PLXDC2: variants seen among roughly 807,000 people sequenced by gnomAD.
PLXDC2 encodes plexin domain-containing protein 2.
In PLXDC2, 40 loss-of-function variants were observed where a neutral mutation model predicts 68.9. The observed-to-expected ratio is 0.58, with a 90% CI of 0.45 to 0.76. PLXDC2 has a LOEUF of 0.76. Ranked by LOEUF, PLXDC2 falls within the 30% of genes least tolerant of loss-of-function variation. The probability of loss-of-function intolerance (pLI) is 0.00; values close to 1 mark genes in which losing one functional copy is unlikely to be tolerated. For synonymous variants in PLXDC2, 243 were observed against 234.2 expected, an observed-to-expected ratio of 1.04 and a Z score of -0.34; for missense variants, 644 against 661.9, an observed-to-expected ratio of 0.97 and a Z score of 0.30.
intron 12 of PLXDC2, among the ~76,000 whole-genome samples, chr10:20,232,073 G>A (rs1260863850): frequency 2.0e-5 from 3 of 151,812 alleles, no homozygotes; most frequent in Non-Finnish European, 4.4e-5. Context: ...GCAGGTTACA[G>A]ATAAGAGAAT....
chr10:19,966,370 A>AAAAATATATATGTGTACATATAT (rs1834254000), intron 1 of PLXDC2, among the ~76,000 whole-genome samples: 2 of 133,478 alleles, frequency 1.5e-5, no homozygotes, highest in Non-Finnish European at 3.3e-5. Flanking sequence ...CACATATATA[A>AAAAATATATATGTGTACATATAT]AAAATATATA....
At chr10:20,202,995 A>T (rs1309694364) in intron 9 of PLXDC2, among the ~76,000 whole-genome samples, 1 of 152,102 alleles carries the variant, frequency 6.6e-6, no homozygotes, top group African/African-American at 2.4e-5. Context: ...TTTTGCCAAC[A>T]TCATCAGTGG....
chr10:20,043,671 T>C (rs1302007825), intron 2 of PLXDC2, among the ~76,000 whole-genome samples: 1 of 152,128 alleles, frequency 6.6e-6, no homozygotes, highest in Non-Finnish European at 1.5e-5. Context: ...AGATTACATC[T>C]TTAACCTCAA....
intron 9 of PLXDC2, among the ~76,000 whole-genome samples, chr10:20,208,261 C>T (rs1187450673): frequency 6.6e-6 from 1 of 152,116 alleles, no homozygotes; most frequent in Non-Finnish European, 1.5e-5. Context: ...CACAATTTCC[C>T]ATGGCTAGGG....
intron 1 of PLXDC2, among the ~76,000 whole-genome samples, chr10:19,992,359 C>T (rs984056400): frequency 6.6e-6 from 1 of 152,114 alleles, no homozygotes; most frequent in African/African-American, 2.4e-5. Flanking sequence ...TGAAAAATCA[C>T]AAGAATCTTA....
chr10:20,043,143 G>GT (rs1835713703), intron 2 of PLXDC2, among the ~76,000 whole-genome samples: 1 of 152,024 alleles, frequency 6.6e-6, no homozygotes, highest in Non-Finnish European at 1.5e-5. Flanking sequence ...CTATTTTATG[G>GT]TTTTTCTGAA....
intron 1 of PLXDC2, among the ~76,000 whole-genome samples, chr10:19,823,747 G>A (rs1381356689): frequency 6.6e-6 from 1 of 152,182 alleles, no homozygotes; most frequent in African/African-American, 2.4e-5. Flanking sequence ...AACACTTTGG[G>A]AGGCCGAGAC....
chr10:20,071,616 C>T (rs144170500), intron 4 of PLXDC2, among the ~76,000 whole-genome samples: 1 of 152,304 alleles, frequency 6.6e-6, no homozygotes, highest in Non-Finnish European at 1.5e-5. Flanking sequence ...GCCTCCCCAG[C>T]CATGTACAAC....
At chr10:19,979,350 T>C (rs1466169177) in intron 1 of PLXDC2, among the ~76,000 whole-genome samples, 1 of 152,042 alleles carries the variant, frequency 6.6e-6, no homozygotes, top group Non-Finnish European at 1.5e-5. Context: ...ACTTCTTCCT[T>C]TCATCTGTCT....
intron 1 of PLXDC2, among the ~76,000 whole-genome samples, chr10:19,827,795 G>A (rs1233642391): frequency 1.3e-5 from 2 of 152,156 alleles, no homozygotes; most frequent in East Asian, 3.9e-4. Flanking sequence ...CTGACCTCAA[G>A]TGATCCACCC....
intron 1 of PLXDC2, among the ~76,000 whole-genome samples, chr10:19,836,813 TAATA>T (rs1478440991): frequency 6.6e-6 from 1 of 152,210 alleles, no homozygotes; most frequent in Non-Finnish European, 1.5e-5. Flanking sequence ...GGAATTACAA[TAATA>T]AATAGAAGAA....
rs57093355 is a variant in PLXDC2 at position 20,051,395 on chromosome 10, A to AATATAT, written c.471+4423_471+4428dup. On this transcript the variant is annotated intron_variant, in intron 3 of 13. Coordinates refer to ENST00000377252, the MANE Select transcript of PLXDC2 (RefSeq NM_032812.9). ...ACTGCTGACCCTAAAATAAAGGTTA[A>AATATAT]ATATATATATATATATATATATATA... Among the ~76,000 whole-genome samples, 302 of 118,392 alleles carry AATATAT rather than the reference A, an allele frequency of 2.6e-3. 1 individual carries two copies. The highest frequency in any genetic ancestry group is 3.6e-3 in the Non-Finnish European group (200 of 55,888). 77.7% of individuals were successfully genotyped at this position (118,392 alleles called of 152,430 possible).
At chr10:20,135,085 T>C (rs1833917544) in intron 4 of PLXDC2, among the ~76,000 whole-genome samples, 1 of 152,242 alleles carries the variant, frequency 6.6e-6, no homozygotes, top group Admixed American at 6.5e-5. Context: ...CTCTTAGTTC[T>C]TGTGAAGGTA....
intron 9 of PLXDC2, among the ~76,000 whole-genome samples, chr10:20,182,813 A>C (rs1036238384): frequency 2.6e-5 from 4 of 151,756 alleles, no homozygotes; most frequent in Non-Finnish European, 5.9e-5. Flanking sequence ...CCCTGCATGC[A>C]TTACATATTT....
At chr10:19,877,287 C>T (rs1837649700) in intron 1 of PLXDC2, among the ~76,000 whole-genome samples, 1 of 152,040 alleles carries the variant, frequency 6.6e-6, no homozygotes, top group South Asian at 2.1e-4. Context: ...ATAACTGTAG[C>T]AAACTGGGAC....
chr10:20,272,628 A>C (rs1835954267), intron 13 of PLXDC2, among the ~76,000 whole-genome samples: 1 of 152,162 alleles, frequency 6.6e-6, no homozygotes, highest in Non-Finnish European at 1.5e-5. Flanking sequence ...GTACAGGTAA[A>C]AAGGGGTTGC....
At chr10:20,168,675 A>G (rs79835351) in intron 7 of PLXDC2, among the ~76,000 whole-genome samples, 4,892 of 152,294 alleles carry the variant, frequency 0.032, 84 homozygotes, top group South Asian at 0.069. Context: ...CAACATCCAC[A>G]GGTACAGCTA....
chr10:20,190,964 G>A (rs1234947637), intron 9 of PLXDC2, among the ~76,000 whole-genome samples: 1 of 151,862 alleles, frequency 6.6e-6, no homozygotes, highest in Non-Finnish European at 1.5e-5. Flanking sequence ...GAAGCCCAAA[G>A]CATTTATTTT....
chr10:20,010,981 T>C (rs1385933492), intron 2 of PLXDC2, among the ~76,000 whole-genome samples: 1 of 152,148 alleles, frequency 6.6e-6, no homozygotes, highest in Non-Finnish European at 1.5e-5. Flanking sequence ...TGCAAACATA[T>C]TTCTCTTCTT....
Sources: gnomAD v4.1 joint callset for allele counts (sites outside exome capture counted in the v4.1 genomes callset) on GRCh38, gnomAD v4.1.1 for gene constraint, MANE v1.5 for transcripts, NCBI Gene and HGNC (gene_info 2026-07-23, HGNC 2026-07-21) for gene names.